Variants in DOCK4 observed in about 807,000 individuals in gnomAD.
The protein encoded by DOCK4 is dedicator of cytokinesis protein 4.
Under a neutral mutation model 268.1 loss-of-function variants are expected in DOCK4, and 97 were observed. The observed-to-expected ratio is 0.36, with a 90% CI of 0.31 to 0.43. The LOEUF is 0.43. DOCK4 is among the 20% of genes least tolerant of loss of function. The probability of loss-of-function intolerance (pLI) is 1.00; values close to 1 mark genes in which losing one functional copy is unlikely to be tolerated. For missense variants in DOCK4, 2,145 were observed against 2,455.7 expected (o/e 0.87, Z 2.67); for synonymous variants, 954 against 887.2 (o/e 1.08, Z -1.34).
intron 25 of DOCK4, among the ~76,000 whole-genome samples, chr7:111,838,274 A>T (rs1803396533): frequency 6.6e-6 from 1 of 152,126 alleles, no homozygotes; most frequent in African/African-American, 2.4e-5. Flanking sequence ...AAAGAAAAGT[A>T]AAGTTGGAAG....
chr7:111,835,518 T>A (rs574341371), intron 25 of DOCK4, among the ~76,000 whole-genome samples: 85 of 152,376 alleles, frequency 5.6e-4, no homozygotes, highest in Non-Finnish European at 8.2e-4. Flanking sequence ...ACTTGCATTT[T>A]TGAATGAACT....
At chr7:112,005,085 C>T (rs1800746393) in intron 1 of DOCK4, among the ~76,000 whole-genome samples, 1 of 152,082 alleles carries the variant, frequency 6.6e-6, no homozygotes, top group African/African-American at 2.4e-5. Context: ...CTATGAAATA[C>T]TATGCACACT....
chr7:111,889,522 T>C (rs759986918), intron 16 of DOCK4, among the ~76,000 whole-genome samples: 5 of 152,050 alleles, frequency 3.3e-5, no homozygotes, highest in Non-Finnish European at 1.5e-5. Flanking sequence ...ACACTGAAGT[T>C]TGAGATAAGC....
intron 12 of DOCK4, among the ~76,000 whole-genome samples, chr7:111,932,340 T>G (rs1319683757): frequency 6.6e-6 from 1 of 152,122 alleles, no homozygotes; most frequent in Non-Finnish European, 1.5e-5. Context: ...TCAGGATTAG[T>G]TTGGTATTTG....
intron 23 of DOCK4, among the ~76,000 whole-genome samples, chr7:111,855,161 C>G (rs1376726984): frequency 6.6e-6 from 1 of 152,080 alleles, no homozygotes; most frequent in African/African-American, 2.4e-5. Context: ...GAGTGCCCCC[C>G]AATAAAACAG....
At chr7:112,131,893 A>G (rs1196286372) in intron 1 of DOCK4, among the ~76,000 whole-genome samples, 1 of 152,148 alleles carries the variant, frequency 6.6e-6, no homozygotes. Context: ...TTTAAATTCT[A>G]TCCCTAGAAA....
At chr7:111,973,591 G>A (rs550601688) in intron 8 of DOCK4, among the ~76,000 whole-genome samples, 4 of 152,162 alleles carry the variant, frequency 2.6e-5, no homozygotes, top group African/African-American at 9.6e-5. Context: ...ATGAGTCAAT[G>A]GGGGAATCTG....
rs147778899 is a variant in DOCK4 at position 112,142,039 on chromosome 7, A to T, written c.37+64063T>A. 5.0e-3 allele frequency among the ~76,000 whole-genome samples: 769 copies of T among 152,308 alleles called. 7 individuals are homozygous for T. The highest frequency in any genetic ancestry group is 0.017 in the African/African-American group (708 of 41,572). On this transcript the variant is annotated intron_variant, in intron 1 of 52. Coordinates refer to ENST00000428084, the MANE Select transcript of DOCK4 (RefSeq NM_001363540.2). ...AGTAATTTAACTCTATGAAGAGCAAATACACTGAGTCTAGGAGCCAGATGG... is the reference window on the plus strand; with the variant it reads ...AGTAATTTAACTCTATGAAGAGCAATTACACTGAGTCTAGGAGCCAGATGG...
intron 30 of DOCK4, among the ~76,000 whole-genome samples, chr7:111,791,162 G>A (rs1799516445): frequency 6.9e-6 from 1 of 145,532 alleles, no homozygotes; most frequent in Admixed American, 6.9e-5. Context: ...AAATTTTTAT[G>A]TGATCATTTA....
chr7:111,748,955 T>C (rs532753585), intron 42 of DOCK4, among the ~76,000 whole-genome samples: 1 of 152,240 alleles, frequency 6.6e-6, no homozygotes, highest in Admixed American at 6.5e-5. Context: ...CTGAGTCAAA[T>C]ATGTCTCAAT....
intron 1 of DOCK4, among the ~76,000 whole-genome samples, chr7:112,141,573 G>C (rs1162645589): frequency 2.0e-5 from 3 of 152,084 alleles, no homozygotes; most frequent in Non-Finnish European, 2.9e-5. Context: ...CCTGCCCAAG[G>C]ATTTCCTTAT....
At chr7:112,178,579 C>T (rs1353264318) in intron 1 of DOCK4, among the ~76,000 whole-genome samples, 6 of 152,148 alleles carry the variant, frequency 3.9e-5, no homozygotes, top group Non-Finnish European at 7.4e-5. Flanking sequence ...TACATGGTTT[C>T]CTCACATTAT....
intron 1 of DOCK4, among the ~76,000 whole-genome samples, chr7:112,165,522 ACGTGTGTG>A (rs1336380555): frequency 4.2e-5 from 4 of 94,416 alleles, no homozygotes; most frequent in Non-Finnish European, 6.6e-5. Flanking sequence ...GGAATAGTAT[ACGTGTGTG>A]TGTGTGTGTG....
At chr7:111,759,725 C>T (rs1378033735) in intron 40 of DOCK4, among the ~76,000 whole-genome samples, 1 of 138,108 alleles carries the variant, frequency 7.2e-6, no homozygotes, top group Non-Finnish European at 1.5e-5. Flanking sequence ...AGCTAAAAGC[C>T]CCCAAAAGAT....
intron 13 of DOCK4, among the ~76,000 whole-genome samples, chr7:111,906,384 C>T (rs1049365739): frequency 1.3e-5 from 2 of 151,976 alleles, no homozygotes; most frequent in African/African-American, 4.8e-5. Flanking sequence ...GTTGAAGTTC[C>T]AAGCAGAAAG....
intron 1 of DOCK4, among the ~76,000 whole-genome samples, chr7:112,136,690 T>C (rs1056011400): frequency 5.3e-5 from 8 of 152,130 alleles, no homozygotes; most frequent in Non-Finnish European, 1.5e-5. Context: ...AGAAATTACC[T>C]CTAGTTTATG....
chr7:111,822,721 G>A (rs771893705), intron 26 of DOCK4, among the ~76,000 whole-genome samples: 1 of 152,166 alleles, frequency 6.6e-6, no homozygotes, highest in Non-Finnish European at 1.5e-5. Context: ...ACAATTTAGG[G>A]TTTTGAAAAT....
chr7:112,160,881 C>A (rs2729558), intron 1 of DOCK4, among the ~76,000 whole-genome samples: 9 of 152,286 alleles, frequency 5.9e-5, no homozygotes, highest in African/African-American at 4.8e-5. Flanking sequence ...AATATTTTCA[C>A]GGGCTAACAT....
chr7:111,782,565 G>A (rs942979365), intron 35 of DOCK4, among the ~76,000 whole-genome samples: 7 of 152,134 alleles, frequency 4.6e-5, no homozygotes, highest in African/African-American at 1.7e-4. Context: ...AAGACTCTAG[G>A]AGGGTGAAGT....
Sources: gnomAD v4.1 joint callset for allele counts (sites outside exome capture counted in the v4.1 genomes callset) on GRCh38, gnomAD v4.1.1 for gene constraint, MANE v1.5 for transcripts, NCBI Gene and HGNC (gene_info 2026-07-23, HGNC 2026-07-21) for gene names.